Variants in ZMYM5 observed in about 807,000 individuals in gnomAD.
The protein encoded by ZMYM5 is zinc finger MYM-type protein 5.
ZMYM5 carries 41 observed loss-of-function variants against 61.8 expected under a neutral mutation model. That is an observed-to-expected ratio of 0.66 (90% confidence interval 0.52 to 0.86). The LOEUF is 0.86. ZMYM5 is among the 40% of genes least tolerant of loss of function. The pLI, the probability that ZMYM5 is intolerant of heterozygous loss-of-function variation, is 0.00. For synonymous variants in ZMYM5, 257 were observed against 276.4 expected, an observed-to-expected ratio of 0.93 and a Z score of 0.70; for missense variants, 706 against 786.7, an observed-to-expected ratio of 0.90 and a Z score of 1.23.
At chr13:19,850,460 A>C (rs1333798431) in intron 4 of ZMYM5, among the ~76,000 whole-genome samples, 1 of 151,980 alleles carries the variant, frequency 6.6e-6, no homozygotes, top group Non-Finnish European at 1.5e-5. Context: ...TTAGCCAGGC[A>C]TGGAGACGGG....
chr13:19,826,490 C>T (rs1309367395), intron 7 of ZMYM5, among the ~76,000 whole-genome samples: 7 of 152,124 alleles, frequency 4.6e-5, no homozygotes, highest in Admixed American at 1.3e-4. Flanking sequence ...GGCATGGTGG[C>T]GCACGCCTGT....
intron 7 of ZMYM5, among the ~76,000 whole-genome samples, chr13:19,831,074 G>A (rs1402884498): frequency 1.3e-5 from 2 of 149,342 alleles, no homozygotes; most frequent in African/African-American, 2.5e-5. Context: ...CTCCTGACCC[G>A]CCTTGGCCTT....
At chr13:19,863,150 GA>G (rs1309167406) in intron 1 of ZMYM5, among the ~76,000 whole-genome samples, 9 of 151,754 alleles carry the variant, frequency 5.9e-5, no homozygotes, top group Admixed American at 2.6e-4. Context: ...CGGCAGGAGA[GA>G]AAGAAAAATG....
chr13:19,834,958 T>C (rs1255515625), intron 7 of ZMYM5, among the ~76,000 whole-genome samples: 2 of 151,854 alleles, frequency 1.3e-5, no homozygotes, highest in Non-Finnish European at 2.9e-5. Context: ...GTGCTGGGAT[T>C]ACAAGTGTTA....
At chr13:19,829,294 AT>A (rs942673859) in intron 7 of ZMYM5, among the ~76,000 whole-genome samples, 7 of 152,138 alleles carry the variant, frequency 4.6e-5, no homozygotes, top group Non-Finnish European at 1.0e-4. Context: ...ATTAAAAAAA[AT>A]AAATATATTT....
chr13:19,831,030 AGG>A (rs1891186646), intron 7 of ZMYM5, among the ~76,000 whole-genome samples: 1 of 151,562 alleles, frequency 6.6e-6, no homozygotes, highest in African/African-American at 2.4e-5. Flanking sequence ...TAGTAGAGAC[AGG>A]GTTTCACCGT....
Position 19,829,446 on chromosome 13 carries a change from G to A in ZMYM5, c.1252-4211C>T, listed in dbSNP as rs571200591. Among the ~76,000 whole-genome samples, 10 of 151,958 alleles carry A rather than the reference G, an allele frequency of 6.6e-5. No individual in the cohort carries two copies. In the East Asian group the frequency reaches 7.7e-4, roughly 12 times the overall value. On this transcript the variant is annotated intron_variant, in intron 7 of 7. Transcript: ENST00000337963. ...AGCTGGGACCACAGGGGCATGCCAC[G>A]CCAGCTAATTTTTAAGTTTTTTTTG...
intron 7 of ZMYM5, among the ~76,000 whole-genome samples, chr13:19,833,884 A>G (rs1049648169): frequency 6.6e-6 from 1 of 152,238 alleles, no homozygotes; most frequent in East Asian, 1.9e-4. Context: ...TCATGCCTAT[A>G]ATCCCAGTAC....
rs1783120047 is a variant in ZMYM5 at position 19,824,962 on chromosome 13, A to C, written c.1525T>G (p.Phe509Val). The change falls in exon 8 of 8, where the codon TTT becomes GTT. Residue 509 changes from phenylalanine to valine, a missense_variant. Physicochemically the swap from Phe to Val is conservative, Grantham distance 50. This residue lies in a region of ZMYM5 where 226 missense variants were observed against 325.0 expected (regional missense o/e 0.70). Transcript: ENST00000337963. ...TFQEQLEEKN[F>V]EDSIVPVVLS... ...ACAACTGGTACAATGGAGTCTTCAA[A>C]ATTTTTCTCTTCCAGTTGCTCTTGA... The C allele has an allele frequency of 7.3e-7, 1 of 1,366,014 alleles. No individual in the cohort carries two copies. The highest frequency in any genetic ancestry group is 9.8e-7 in the Non-Finnish European group (1 of 1,021,094). 84.6% of individuals were successfully genotyped at this position (1,366,014 alleles called of 1,614,324 possible).
chr13:19,862,637 C>T (rs753454664), intron 1 of ZMYM5, among the ~76,000 whole-genome samples, 171 bp from the exon 2 acceptor site: 1 of 152,136 alleles, frequency 6.6e-6, no homozygotes, highest in South Asian at 2.1e-4. Context: ...CTATAGGAAC[C>T]GCAACGACGA....
chr13:19,856,563 C>T (rs1350899139), intron 2 of ZMYM5, among the ~76,000 whole-genome samples: 2 of 152,052 alleles, frequency 1.3e-5, no homozygotes, highest in Middle Eastern at 3.4e-3. Flanking sequence ...TCGCCTGAAC[C>T]CGGGAGGCAG....
intron 4 of ZMYM5, among the ~76,000 whole-genome samples, chr13:19,846,782 C>T (rs1953088331): frequency 6.6e-6 from 1 of 151,120 alleles, no homozygotes; most frequent in Admixed American, 6.6e-5. Flanking sequence ...AAAAAACTAG[C>T]AGGGTGTTAT....
At chr13:19,833,979 C>T (rs1952596768) in intron 7 of ZMYM5, among the ~76,000 whole-genome samples, 1 of 152,052 alleles carries the variant, frequency 6.6e-6, no homozygotes. Flanking sequence ...CCTGTATTTC[C>T]TTTTTCTTTT....
At chr13:19,844,073 G>T (rs533514993) in intron 4 of ZMYM5, among the ~76,000 whole-genome samples, 2 of 150,656 alleles carry the variant, frequency 1.3e-5, no homozygotes, top group African/African-American at 4.9e-5. Flanking sequence ...GGGAGGCAGA[G>T]CTTTCAGTGA....
At chr13:19,859,464 G>A (rs990878805) in intron 2 of ZMYM5, among the ~76,000 whole-genome samples, 17 of 152,046 alleles carry the variant, frequency 1.1e-4, no homozygotes, top group Admixed American at 9.2e-4. Flanking sequence ...GTGCAGTGGC[G>A]CGATCTTGGC....
intron 2 of ZMYM5, among the ~76,000 whole-genome samples, chr13:19,860,926 A>T (rs1953729423): frequency 7.0e-6 from 1 of 143,144 alleles, no homozygotes; most frequent in African/African-American, 2.7e-5. Flanking sequence ...ATATGCATGT[A>T]TATGCGCACG....
intron 4 of ZMYM5, among the ~76,000 whole-genome samples, chr13:19,846,551 C>CA (rs890591203): frequency 1.2e-3 from 176 of 143,482 alleles, no homozygotes; most frequent in East Asian, 3.8e-3. Flanking sequence ...TGTCACTAGC[C>CA]AAAAAAAAAA....
intron 7 of ZMYM5, among the ~76,000 whole-genome samples, chr13:19,832,046 C>T (rs973030264): frequency 7.3e-5 from 11 of 151,506 alleles, no homozygotes; most frequent in African/African-American, 2.2e-4. Flanking sequence ...TTTGTAGAAA[C>T]GGAGTTTCAC....
chr13:19,855,981 A>T (rs1337211447), intron 2 of ZMYM5, among the ~76,000 whole-genome samples: 1 of 151,842 alleles, frequency 6.6e-6, no homozygotes, highest in East Asian at 1.9e-4. Context: ...GCGCCACTGC[A>T]CACTCCAGCC....
Sources: allele counts gnomAD v4.1 joint callset (sites outside exome capture counted in the v4.1 genomes callset), GRCh38; gene constraint gnomAD v4.1.1; regional missense constraint gnomAD v4.1.1; transcripts MANE v1.5; gene names NCBI Gene and HGNC (gene_info 2026-07-23, HGNC 2026-07-21).